The following HIVEP1 variants were observed in gnomAD, a reference collection of about 807,000 sequenced individuals.
HIVEP1 encodes zinc finger protein 40.
Under a neutral mutation model 180.0 loss-of-function variants are expected in HIVEP1, and 36 were observed. The ratio of observed to expected loss-of-function variants is 0.20; its 90% confidence interval spans 0.15 to 0.26. The LOEUF (loss-of-function observed/expected upper bound fraction) is 0.26, where lower values mean the gene tolerates loss of function less well. HIVEP1 is among the 10% of genes least tolerant of loss of function. HIVEP1 has a pLI of 1.00. For missense variants in HIVEP1, 3,143 were observed against 3,268.7 expected (o/e 0.96, Z 0.94); for synonymous variants, 1,239 against 1,239.0 (o/e 1.00, Z 0.00).
chr6:12,201,113 G>A, the HIVEP1 span, among the ~76,000 whole-genome samples: 23 of 152,340 alleles, frequency 1.5e-4, no homozygotes, highest in Non-Finnish European at 2.2e-4. Context: ...GTCTTCTCAT[G>A]TTCTATTCTT....
In HIVEP1 at chr6:12,129,574, G is replaced by T. The variant is rs1758295468; in HGVS notation, c.6076-185G>T. ...AAATTAACATAAGATTTATCAGTTT[G>T]CTGTGATTGAGACAGATTCATAAGG... On this transcript the variant is annotated intron_variant, in intron 4 of 8. Transcript: ENST00000379388. 3 of 688,198 alleles carry T rather than the reference G, an allele frequency of 4.4e-6. No individual in the cohort carries two copies. The East Asian group carries it at 8.6e-5, about 20-fold the overall frequency. 42.6% of individuals were successfully genotyped at this position (688,198 alleles called of 1,614,324 possible). A position where few individuals can be genotyped will look rare whatever the true frequency, so the allele number is the denominator to read the frequency against.
At chr6:12,074,297 T>C (rs1336321739) in intron 2 of HIVEP1, among the ~76,000 whole-genome samples, 1 of 152,134 alleles carries the variant, frequency 6.6e-6, no homozygotes, top group East Asian at 1.9e-4. Context: ...TCTATGATAG[T>C]TGTTAAAAAT....
chr6:12,054,058 G>A (rs1770709289), intron 2 of HIVEP1, among the ~76,000 whole-genome samples: 1 of 152,162 alleles, frequency 6.6e-6, no homozygotes, highest in Non-Finnish European at 1.5e-5. Context: ...AAAGCTAATA[G>A]CTTTCAGGCT....
At chr6:12,010,807 C>T (rs1006147640), upstream of HIVEP1, among the ~76,000 whole-genome samples, 1 of 152,158 alleles carries the variant, frequency 6.6e-6, no homozygotes, top group Non-Finnish European at 1.5e-5. Flanking sequence ...TGGATTTCCA[C>T]TCCTTGCTTT....
chr6:12,012,116 C>T (rs1418320575), upstream of HIVEP1: 1 of 146,984 alleles, frequency 6.8e-6, no homozygotes, highest in Non-Finnish European at 1.5e-5. Flanking sequence ...GTCCGCCCGC[C>T]CCGCCGCGGC....
At chr6:12,045,909 T>C (rs1434798608) in intron 2 of HIVEP1, among the ~76,000 whole-genome samples, 1 of 152,268 alleles carries the variant, frequency 6.6e-6, no homozygotes, top group African/African-American at 2.4e-5. Flanking sequence ...TGCTTTATAA[T>C]TATCTTTAAA....
chr6:12,162,214 T>A (rs1429169877), intron 8 of HIVEP1, among the ~76,000 whole-genome samples: 1 of 72,288 alleles, frequency 1.4e-5, no homozygotes, highest in Non-Finnish European at 2.7e-5. Flanking sequence ...TTGAAAAATT[T>A]TTGAAATTAA....
the HIVEP1 span, among the ~76,000 whole-genome samples, chr6:12,184,018 T>C: frequency 5.0e-3 from 643 of 129,898 alleles, 4 homozygotes; most frequent in Non-Finnish European, 8.0e-3. Flanking sequence ...GATAGATAGA[T>C]AGATAGACAG....
the HIVEP1 span, among the ~76,000 whole-genome samples, chr6:12,199,936 A>G: frequency 6.6e-6 from 1 of 152,170 alleles, no homozygotes; most frequent in Non-Finnish European, 1.5e-5. Flanking sequence ...TACCTTCAGT[A>G]TTCAGATAGT....
chr6:12,098,922 A>G (rs985456405), intron 3 of HIVEP1, among the ~76,000 whole-genome samples: 4 of 152,218 alleles, frequency 2.6e-5, no homozygotes, highest in Non-Finnish European at 4.4e-5. Context: ...GTAGCTTAGA[A>G]TTTTTCCCTG....
intron 7 of HIVEP1, among the ~76,000 whole-genome samples, chr6:12,143,492 C>G (rs573546760): frequency 2.9e-4 from 44 of 152,312 alleles, no homozygotes; most frequent in Non-Finnish European, 7.4e-5. Context: ...AGGATGCCCT[C>G]TCTCACCACT....
In HIVEP1 at chr6:12,122,111, C is replaced by G. The variant is rs368881885; in HGVS notation, c.2316C>G (p.Thr772=). 2 of 1,614,204 alleles carry G rather than the reference C, an allele frequency of 1.2e-6. No individual in the cohort carries two copies. The highest frequency in any genetic ancestry group is 1.7e-6 in the Non-Finnish European group (2 of 1,180,026). The change falls in exon 4 of 9, where the codon ACC becomes ACG. Residue 772 remains threonine (T), a synonymous_variant. Transcript: ENST00000379388. ...TGGATAGTGTGAAGCCGCGGAGAAC[C>G]TCACTGTCAAGACGAGGAAGCATTG... The part of the protein sequence containing the change: ...KQLDSVKPRR[T]SLSRRGSIDS...
At chr6:12,025,860 C>T (rs577359608) in intron 2 of HIVEP1, among the ~76,000 whole-genome samples, 4 of 152,104 alleles carry the variant, frequency 2.6e-5, no homozygotes, top group South Asian at 4.1e-4. Flanking sequence ...GCCAACATGG[C>T]GAAACCCTGT....
intron 2 of HIVEP1, among the ~76,000 whole-genome samples, chr6:12,026,611 G>T (rs1768601245): frequency 6.6e-6 from 1 of 152,114 alleles, no homozygotes; most frequent in Non-Finnish European, 1.5e-5. Context: ...ACCAGGTCAA[G>T]GTCTTTTATA....
the HIVEP1 span, among the ~76,000 whole-genome samples, chr6:12,207,828 T>G: frequency 2.0e-5 from 3 of 150,340 alleles, no homozygotes; most frequent in Non-Finnish European, 4.4e-5. Context: ...GGTTGGAGGA[T>G]TGTTTGAGCC....
chr6:12,120,019 A>G lies in HIVEP1; in HGVS notation c.224A>G (p.His75Arg), dbSNP rs770101900. 17 of 1,613,372 alleles carry G rather than the reference A, an allele frequency of 1.1e-5. No individual in the cohort carries two copies. Among genetic ancestry groups the G allele is most frequent in the Non-Finnish European group, 1.4e-5 (17 of 1,179,822 alleles). ...SPLRNPLQAK[H>R]KQNTEESSFA... ...CTGAGAAATCCTCTTCAGGCAAAAC[A>G]TAAACAAAATACAGAAGAGTCATCT... The change falls in exon 4 of 9, where the codon CAT (histidine) becomes CGT (arginine). Residue 75 changes from histidine (H) to arginine (R), a missense_variant. His to Arg is a conservative substitution (Grantham distance 29, BLOSUM62 0). Coordinates refer to ENST00000379388, the MANE Select transcript of HIVEP1 (RefSeq NM_002114.4).
chr6:12,031,476 G>T (rs1156333627), intron 2 of HIVEP1, among the ~76,000 whole-genome samples: 1 of 152,198 alleles, frequency 6.6e-6, no homozygotes, highest in Non-Finnish European at 1.5e-5. Context: ...CTCAGCCTCA[G>T]GCGGACATTG....
At chr6:12,118,590 C>CT (rs1416604961) in intron 3 of HIVEP1, among the ~76,000 whole-genome samples, 3 of 152,192 alleles carry the variant, frequency 2.0e-5, no homozygotes, top group East Asian at 1.9e-4. Flanking sequence ...GTTTTACCTT[C>CT]TTTCTGCCTA....
chr6:12,104,402 C>CTCTG (rs757963875), intron 3 of HIVEP1, among the ~76,000 whole-genome samples: 67 of 141,894 alleles, frequency 4.7e-4, no homozygotes, highest in Middle Eastern at 3.7e-3. Flanking sequence ...TCGTTTCTCT[C>CTCTG]TCTCTCTCTC....
Sources: gnomAD v4.1 joint callset for allele counts (sites outside exome capture counted in the v4.1 genomes callset) on GRCh38, gnomAD v4.1.1 for gene constraint, MANE v1.5 for transcripts, NCBI Gene and HGNC (gene_info 2026-07-23, HGNC 2026-07-21) for gene names.